Variants in ITPRID2 observed in about 807,000 individuals in gnomAD.
ITPRID2 encodes ITPR interacting domain containing 2.
ITPRID2 carries 60 observed loss-of-function variants against 124.3 expected under a neutral mutation model. The observed-to-expected ratio is 0.48, with a 90% CI of 0.39 to 0.60. The LOEUF is 0.60. Among genes scored for constraint, ITPRID2 ranks in the 20% least tolerant of loss-of-function variants. ITPRID2 has a pLI of 0.00. For missense variants in ITPRID2, 1,553 were observed against 1,512.2 expected, an observed-to-expected ratio of 1.03 and a Z score of -0.45; for synonymous variants, 521 against 542.9, an observed-to-expected ratio of 0.96 and a Z score of 0.56.
chr2:181,892,031 G>C lies in ITPRID2; in HGVS notation c.-36G>C. ...CCCTGCCGCCGCCTTGTCTCGCGCAGGGTCCGGCTGGGGTAGCGGAGCCCC... is the reference window on the plus strand; with the variant it reads ...CCCTGCCGCCGCCTTGTCTCGCGCACGGTCCGGCTGGGGTAGCGGAGCCCC... On this transcript the variant is annotated 5_prime_UTR_variant, in exon 1 of 18. Coordinates refer to ENST00000431877, the MANE Select transcript of ITPRID2 (RefSeq NM_001130445.3). This position sits in a 1 kb window ranked among gnomAD's most constrained non-coding sequence, Gnocchi z 5.2. The C allele has an allele frequency of 6.5e-7, 1 of 1,542,158 alleles. No homozygotes were observed. The highest frequency in any genetic ancestry group is 1.2e-5 in the South Asian group (1 of 83,654).
intron 16 of ITPRID2, among the ~76,000 whole-genome samples, chr2:181,924,282 A>T (rs897061718): frequency 3.9e-5 from 6 of 152,214 alleles, no homozygotes; most frequent in African/African-American, 1.2e-4. Context: ...GTTATAATTT[A>T]AAAAATTATG....
intron 16 of ITPRID2, among the ~76,000 whole-genome samples, chr2:181,922,775 A>G (rs1412269530): frequency 6.6e-6 from 1 of 152,192 alleles, no homozygotes; most frequent in Non-Finnish European, 1.5e-5. Flanking sequence ...TGCATTTTAT[A>G]GCTGGACGTG....
At chr2:181,920,167 A>C (rs987600736) in intron 14 of ITPRID2, among the ~76,000 whole-genome samples, 1 of 152,204 alleles carries the variant, frequency 6.6e-6, no homozygotes, top group African/African-American at 2.4e-5. Flanking sequence ...TTTTGTTAAA[A>C]AGAAATGGAT....
chr2:181,900,487 A>G (rs1368420073), intron 6 of ITPRID2, among the ~76,000 whole-genome samples: 5 of 152,172 alleles, frequency 3.3e-5, no homozygotes. Flanking sequence ...AACTCTAGCA[A>G]CTTGAGACAA....
In ITPRID2 at chr2:181,892,712, A is replaced by ACGC; in HGVS notation, c.257+55_257+57dup. The stretch of plus-strand genomic sequence containing the variant: ...CCCGGGGGAGATCCGTGCGGACGGG[A>ACGC]CGCCGGAGCAGAGCCACTCGGGCCG... On this transcript the variant is annotated intron_variant, in intron 2 of 17. Coordinates refer to ENST00000431877, the MANE Select transcript of ITPRID2 (RefSeq NM_001130445.3). The surrounding 1 kb of genome is among the most constrained non-coding windows in gnomAD (Gnocchi z 5.2). 6.2e-7 allele frequency: 1 copy of ACGC among 1,609,426 alleles called. No individual in the cohort carries two copies. Among genetic ancestry groups the ACGC allele is most frequent in the Non-Finnish European group, 8.5e-7 (1 of 1,176,506 alleles).
Position 181,899,105 on chromosome 2 carries a change from G to C in ITPRID2, c.496G>C (p.Val166Leu). 1 of 1,597,232 alleles carries C rather than the reference G, an allele frequency of 6.3e-7. No homozygotes were observed. Among genetic ancestry groups the C allele is most frequent in the Non-Finnish European group, 8.5e-7 (1 of 1,172,566 alleles). Residue 166 changes from valine (V) to leucine (L), a missense_variant, in exon 6 of 18, where the codon GTT becomes CTT. Transcript: ENST00000431877. ...TGGATCTGGGAAAAGTAGTGGGACAGTTTCAAGGTAACTTATTCTGAAATT... is the reference window on the plus strand; with the variant it reads ...TGGATCTGGGAAAAGTAGTGGGACACTTTCAAGGTAACTTATTCTGAAATT... Reference protein sequence around the residue: ...STGSGKSSGTVSSVSELLELY... With the variant: ...STGSGKSSGTLSSVSELLELY...
intron 16 of ITPRID2, among the ~76,000 whole-genome samples, chr2:181,925,004 C>T (rs1033954432): frequency 6.6e-6 from 1 of 152,156 alleles, no homozygotes; most frequent in African/African-American, 2.4e-5. Flanking sequence ...GCCAATTCAG[C>T]AAAATTAAAT....
In ITPRID2 at chr2:181,919,851, A is replaced by G. The variant is rs1181731094; in HGVS notation, c.3144+405A>G. On this transcript the variant is annotated intron_variant, in intron 14 of 17. Coordinates refer to ENST00000431877, the MANE Select transcript of ITPRID2 (RefSeq NM_001130445.3). This position sits in a 1 kb window ranked among gnomAD's most constrained non-coding sequence, Gnocchi z 4.2. ...TTAAATAAAAAAGTGTTCCTTTTAA[A>G]CTTTTTCTTTATTTTGGATTCTTTT... Among the ~76,000 whole-genome samples the G allele has an allele frequency of 2.6e-5, 4 of 151,962 alleles. No homozygotes were observed. The highest frequency in any genetic ancestry group is 9.7e-5 in the African/African-American group (4 of 41,408).
chr2:181,897,530 T>C (rs1267547215), intron 4 of ITPRID2, among the ~76,000 whole-genome samples: 1 of 151,958 alleles, frequency 6.6e-6, no homozygotes. Flanking sequence ...ATTTAAAAGT[T>C]TTTACAAGTT....
At chr2:181,928,803 T>G (rs1333236080) in intron 17 of ITPRID2, among the ~76,000 whole-genome samples, 2 of 151,784 alleles carry the variant, frequency 1.3e-5, no homozygotes, top group African/African-American at 4.8e-5. Flanking sequence ...TTTTTTGTAT[T>G]TTTTAGTAGA....
At position 181,896,886 on chromosome 2, in the gene ITPRID2, A is replaced by T; in HGVS notation, c.308-22A>T. On this transcript the variant is annotated intron_variant, in intron 3 of 17. Coordinates refer to ENST00000431877, the MANE Select transcript of ITPRID2 (RefSeq NM_001130445.3). This position sits in a 1 kb window ranked among gnomAD's most constrained non-coding sequence, Gnocchi z 4.3. ...TGGAGAGGAACAGAACACCAGGATGAGTTTTCAAATGTGTCTTTCAGGTGT... is the reference window on the plus strand; with the variant it reads ...TGGAGAGGAACAGAACACCAGGATGTGTTTTCAAATGTGTCTTTCAGGTGT... The T allele has an allele frequency of 6.2e-7, 1 of 1,605,368 alleles. No homozygotes were observed. The highest frequency in any genetic ancestry group is 8.5e-7 in the Non-Finnish European group (1 of 1,172,614).
At chr2:181,912,727 G>C (rs1402317085) in intron 9 of ITPRID2, among the ~76,000 whole-genome samples, 1 of 152,168 alleles carries the variant, frequency 6.6e-6, no homozygotes, top group African/African-American at 2.4e-5. Flanking sequence ...CTTGATGAAT[G>C]TAAGAACTGT....
At position 181,901,808 on chromosome 2, in the gene ITPRID2, C is replaced by T. The variant is rs548632994; in HGVS notation, c.755C>T (p.Ala252Val). ...QIEVLTTVAN[A>V]FSSLYSQVSG... The stretch of plus-strand genomic sequence containing the variant: ...GAAGTGCTTACTACTGTGGCCAATG[C>T]GTTTTCTTCTTTATATTCTCAAGTC... Residue 252 changes from alanine to valine, a missense_variant, in exon 8 of 18, where the codon GCG (alanine) becomes GTG (valine). Ala to Val is a moderately conservative substitution (Grantham distance 64). Transcript: ENST00000431877. 2.5e-5 allele frequency: 41 copies of T among 1,613,328 alleles called. 3 individuals are homozygous for T. The South Asian group carries it at 3.5e-4, about 14-fold the overall frequency.
rs773670217 is a variant in ITPRID2, at chr2:181,916,276, G to A, written c.2636G>A (p.Ser879Asn). 4 of 1,614,234 alleles carry A rather than the reference G, an allele frequency of 2.5e-6. No homozygotes were observed. The highest frequency in any genetic ancestry group is 3.4e-6 in the Non-Finnish European group (4 of 1,180,050). Residue 879 changes from serine to asparagine, a missense_variant, in exon 11 of 18, where the codon AGT becomes AAT. By Grantham distance (46) the Ser-to-Asn change is conservative. Transcript: ENST00000431877. Reference protein sequence around the residue: ...SVPNISGATCSAFASPFGCPY... With the variant: ...SVPNISGATCNAFASPFGCPY... Reference sequence around the variant, plus strand: ...CCCAACATATCAGGGGCTACTTGTAGTGCCTTCGCTTCCCCTTTCGGGTGT... The same window carrying A: ...CCCAACATATCAGGGGCTACTTGTAATGCCTTCGCTTCCCCTTTCGGGTGT...
At position 181,896,284 on chromosome 2, in the gene ITPRID2, G is replaced by A. The variant is rs1037771753; in HGVS notation, c.307+205G>A. Reference sequence around the variant, plus strand: ...GCAAATTGCCTAGCCTTTTCACAACGTGAAACTTATATCTTTATTGTCCAG... The same window carrying A: ...GCAAATTGCCTAGCCTTTTCACAACATGAAACTTATATCTTTATTGTCCAG... On this transcript the variant is annotated intron_variant, in intron 3 of 17. Transcript: ENST00000431877. This position sits in a 1 kb window ranked among gnomAD's most constrained non-coding sequence, Gnocchi z 4.3. 1.3e-5 allele frequency among the ~76,000 whole-genome samples: 2 copies of A among 151,952 alleles called. No individual in the cohort carries two copies. Among genetic ancestry groups the A allele is most frequent in the African/African-American group, 4.8e-5 (2 of 41,416 alleles).
intron 8 of ITPRID2, among the ~76,000 whole-genome samples, chr2:181,909,105 AAAAT>A (rs1693394568): frequency 6.6e-6 from 1 of 152,234 alleles, no homozygotes; most frequent in South Asian, 2.1e-4. Context: ...TGCAGATAGA[AAAAT>A]AAACACAAAA....
chr2:181,919,740 C>G lies in ITPRID2; in HGVS notation c.3144+294C>G, dbSNP rs551421066. On this transcript the variant is annotated intron_variant, in intron 14 of 17. Coordinates refer to ENST00000431877, the MANE Select transcript of ITPRID2 (RefSeq NM_001130445.3). This position sits in a 1 kb window ranked among gnomAD's most constrained non-coding sequence, Gnocchi z 4.2. ...TAAAGGAAAAATGCTAGTGAATTAACATATGACTAATGTAAATTTTAATTG... is the reference window on the plus strand; with the variant it reads ...TAAAGGAAAAATGCTAGTGAATTAAGATATGACTAATGTAAATTTTAATTG... Among the ~76,000 whole-genome samples the G allele has an allele frequency of 6.6e-6, 1 of 151,822 alleles. No individual in the cohort carries two copies. The highest frequency in any genetic ancestry group is 1.9e-4 in the East Asian group (1 of 5,170).
chr2:181,916,176 C>G lies in ITPRID2; in HGVS notation c.2536C>G (p.Leu846Val), dbSNP rs546606916. The change falls in exon 11 of 18, where the codon CTT (leucine) becomes GTT (valine). Residue 846 changes from leucine (L) to valine (V), a missense_variant. Leu to Val is a conservative substitution (Grantham distance 32, BLOSUM62 1). Transcript: ENST00000431877. ...PPPMSQSTCS[L>V]HSIHSEWQER... ...ACCAATGTCTCAGTCTACCTGTTCC[C>G]TTCATTCCATCCACTCTGAGTGGCA... 6.2e-7 allele frequency: 1 copy of G among 1,614,092 alleles called. No homozygotes were observed. Among genetic ancestry groups the G allele is most frequent in the African/African-American group, 1.3e-5 (1 of 74,934 alleles).
intron 9 of ITPRID2, among the ~76,000 whole-genome samples, chr2:181,913,167 A>G (rs1693747490): frequency 6.6e-6 from 1 of 151,682 alleles, no homozygotes; most frequent in African/African-American, 2.4e-5. Context: ...TCCCAGGTTT[A>G]CTCCATTCTC....
Sources: gnomAD v4.1 joint callset for allele counts (sites outside exome capture counted in the v4.1 genomes callset) on GRCh38, gnomAD v4.1.1 for gene constraint, Gnocchi (gnomAD v3.1) non-coding constraint, MANE v1.5 for transcripts, NCBI Gene and HGNC (gene_info 2026-07-23, HGNC 2026-07-21) for gene names.